The following CPED1 variants were observed in gnomAD, a reference collection of about 807,000 sequenced individuals.
The protein encoded by CPED1 is cadherin like and PC-esterase domain containing 1.
CPED1 carries 114 observed loss-of-function variants against 128.2 expected under a neutral mutation model. The observed-to-expected ratio is 0.89, with a 90% confidence interval of 0.76 to 1.04. The LOEUF is 1.04. Among genes scored for constraint, CPED1 ranks in the 50% least tolerant of loss-of-function variants. CPED1 has a pLI of 0.00. For synonymous variants in CPED1, 462 were observed against 426.7 expected (o/e 1.08, Z -1.02); for missense variants, 1,211 against 1,207.1 (o/e 1.00, Z -0.05).
At chr7:121,126,953 G>C in intron 9 of CPED1, 137 bp from the exon 10 acceptor site, 1 of 539,102 alleles carries the variant, frequency 1.9e-6, no homozygotes, top group Non-Finnish European at 3.1e-6. Context: ...TTATAAAACT[G>C]TTGACTTCCA....
chr7:121,244,811 C>T lies in CPED1; in HGVS notation c.2310+473C>T, dbSNP rs554805776. Among the ~76,000 whole-genome samples the T allele has an allele frequency of 6.4e-4, 98 of 152,306 alleles. 1 individual carries two copies. The highest frequency in any genetic ancestry group is 2.2e-3 in the African/African-American group (92 of 41,570). Reference sequence around the variant, plus strand: ...CATGGGATTGTTTTTACGCACTAACCTTACTGATCTTCTTTCATATTCCTG... The same window carrying T: ...CATGGGATTGTTTTTACGCACTAACTTTACTGATCTTCTTTCATATTCCTG... On this transcript the variant is annotated intron_variant, in intron 18 of 22. Coordinates refer to ENST00000310396, the MANE Select transcript of CPED1 (RefSeq NM_024913.5).
rs78868840 is a variant in CPED1, at chr7:121,178,047, G to A, written c.2055+35906G>A. On this transcript the variant is annotated intron_variant, in intron 16 of 22. Transcript: ENST00000310396. The stretch of plus-strand genomic sequence containing the variant: ...GTAGGTGCTAGGAAGTATTCACGAG[G>A]AGGGGCTCTTGAATCCAGATCTTTT... 6.8e-3 allele frequency among the ~76,000 whole-genome samples: 1,035 copies of A among 152,180 alleles called. 9 individuals carry two copies. Among genetic ancestry groups the A allele is most frequent in the Non-Finnish European group, 0.011 (758 of 67,958 alleles).
intron 3 of CPED1, among the ~76,000 whole-genome samples, chr7:121,037,876 G>GTAT (rs1157314510): frequency 6.6e-6 from 1 of 151,934 alleles, no homozygotes; most frequent in African/African-American, 2.4e-5. Context: ...ATATCCCTGA[G>GTAT]TATTATTATT....
intron 16 of CPED1, among the ~76,000 whole-genome samples, chr7:121,189,358 G>A (rs1797075112): frequency 6.6e-6 from 1 of 152,108 alleles, no homozygotes; most frequent in Admixed American, 6.6e-5. Context: ...CCTAAACGTA[G>A]TTACAATCAT....
intron 16 of CPED1, among the ~76,000 whole-genome samples, chr7:121,152,699 A>G (rs1055836580): frequency 6.6e-6 from 1 of 152,212 alleles, no homozygotes; most frequent in African/African-American, 2.4e-5. Context: ...ATGTCTTCAG[A>G]TTGGCATAAG....
chr7:121,174,662 C>T (rs938538598), intron 16 of CPED1, among the ~76,000 whole-genome samples: 1 of 152,070 alleles, frequency 6.6e-6, no homozygotes. Flanking sequence ...AACATGATGT[C>T]TCCAGCTTTT....
intron 16 of CPED1, among the ~76,000 whole-genome samples, chr7:121,205,946 G>A (rs1287799637): frequency 2.6e-5 from 4 of 152,006 alleles, no homozygotes; most frequent in African/African-American, 9.7e-5. Flanking sequence ...CCATGAGAAA[G>A]GAAGTTCATT....
chr7:121,256,384 G>C (rs910976878), intron 18 of CPED1, among the ~76,000 whole-genome samples: 1 of 152,040 alleles, frequency 6.6e-6, no homozygotes, highest in East Asian at 1.9e-4. Flanking sequence ...GACATATGCA[G>C]AAGAATGAAA....
chr7:121,280,657 T>C (rs1792444640), intron 22 of CPED1, among the ~76,000 whole-genome samples: 2 of 152,210 alleles, frequency 1.3e-5, no homozygotes, highest in Non-Finnish European at 2.9e-5. Context: ...GTTTATTTCA[T>C]GTGGCCATAA....
At chr7:121,198,538 C>G (rs1480791108) in intron 16 of CPED1, among the ~76,000 whole-genome samples, 1 of 152,004 alleles carries the variant, frequency 6.6e-6, no homozygotes, top group Non-Finnish European at 1.5e-5. Context: ...TGTTTTTGCC[C>G]GGACTCATAC....
intron 16 of CPED1, among the ~76,000 whole-genome samples, chr7:121,211,620 GA>G (rs1161752898): frequency 8.8e-6 from 1 of 113,778 alleles, no homozygotes; most frequent in African/African-American, 3.2e-5. Flanking sequence ...GTGGATTGTT[GA>G]GAATCAATGG....
At chr7:121,239,445 T>C (rs559945091) in intron 17 of CPED1, among the ~76,000 whole-genome samples, 1 of 152,240 alleles carries the variant, frequency 6.6e-6, no homozygotes, top group Admixed American at 6.5e-5. Flanking sequence ...ATAATTATTC[T>C]AATTAGGAAA....
intron 14 of CPED1, among the ~76,000 whole-genome samples, chr7:121,139,647 A>G (rs1427403648): frequency 6.6e-6 from 1 of 152,066 alleles, no homozygotes; most frequent in African/African-American, 2.4e-5. Context: ...CCTTATTGGG[A>G]GCTTGGACTT....
At chr7:121,257,655 A>G (rs1791916694) in intron 18 of CPED1, among the ~76,000 whole-genome samples, 1 of 152,054 alleles carries the variant, frequency 6.6e-6, no homozygotes, top group Non-Finnish European at 1.5e-5. Flanking sequence ...TTCACTTATG[A>G]ATAGGAGTAG....
intron 2 of CPED1, among the ~76,000 whole-genome samples, chr7:120,995,867 T>C (rs1252778299): frequency 6.6e-6 from 1 of 151,554 alleles, no homozygotes; most frequent in Non-Finnish European, 1.5e-5. Flanking sequence ...TTTTTATTCT[T>C]CTTCCTCTTC....
At chr7:121,158,835 C>T (rs1796348752) in intron 16 of CPED1, among the ~76,000 whole-genome samples, 1 of 152,038 alleles carries the variant, frequency 6.6e-6, no homozygotes, top group South Asian at 2.1e-4. Context: ...TAGACACTTC[C>T]ATGTGTAACT....
intron 17 of CPED1, among the ~76,000 whole-genome samples, chr7:121,239,618 T>A (rs945876201): frequency 1.3e-5 from 2 of 152,194 alleles, no homozygotes; most frequent in South Asian, 4.1e-4. Flanking sequence ...AAAATATAGA[T>A]GTTTTTGTCT....
intron 17 of CPED1, among the ~76,000 whole-genome samples, chr7:121,241,483 G>A (rs1798394926): frequency 6.8e-6 from 1 of 147,264 alleles, no homozygotes; most frequent in Non-Finnish European, 1.5e-5. Flanking sequence ...TAAATTTTCT[G>A]TTGTTTCTTT....
chr7:121,195,953 TATAACA>T (rs200723529), intron 16 of CPED1, among the ~76,000 whole-genome samples: 216 of 152,128 alleles, frequency 1.4e-3, no homozygotes, highest in African/African-American at 4.7e-3. Context: ...GTGCCTTGAC[TATAACA>T]CATAAAGGGA....
Sources: allele counts gnomAD v4.1 joint callset (sites outside exome capture counted in the v4.1 genomes callset), GRCh38; gene constraint gnomAD v4.1.1; transcripts MANE v1.5; gene names NCBI Gene and HGNC (gene_info 2026-07-23, HGNC 2026-07-21).